The following CSMD1 variants were observed in gnomAD, a reference collection of about 807,000 sequenced individuals.
CSMD1 encodes the protein CUB and Sushi multiple domains 1.
CSMD1 carries 213 observed loss-of-function variants against 417.5 expected under a neutral mutation model. The observed-to-expected ratio is 0.51, with a 90% CI of 0.46 to 0.57. CSMD1 has a LOEUF of 0.57. Among genes scored for constraint, CSMD1 ranks in the 20% least tolerant of loss-of-function variants. The probability of loss-of-function intolerance (pLI) is 0.00; values close to 1 mark genes in which losing one functional copy is unlikely to be tolerated. For synonymous variants in CSMD1, 2,862 were observed against 1,736.8 expected (o/e 1.65, Z -16.11); for missense variants, 6,923 against 4,529.7 (o/e 1.53, Z -15.17).
intron 1 of CSMD1, among the ~76,000 whole-genome samples, chr8:4,743,570 G>C (rs191671458): frequency 7.9e-5 from 12 of 152,228 alleles, no homozygotes; most frequent in African/African-American, 2.4e-4. Context: ...ACAGAGAGTG[G>C]CTATCCTGAT....
intron 26 of CSMD1, among the ~76,000 whole-genome samples, chr8:3,274,577 G>T (rs1301030995): frequency 6.6e-6 from 1 of 152,042 alleles, no homozygotes; most frequent in Non-Finnish European, 1.5e-5. Flanking sequence ...CTCTTTGTAG[G>T]TCACTCAGGA....
At chr8:3,198,174 A>G (rs551143293) in intron 33 of CSMD1, among the ~76,000 whole-genome samples, 1 of 152,224 alleles carries the variant, frequency 6.6e-6, no homozygotes, top group Non-Finnish European at 1.5e-5. Flanking sequence ...TTTGCATATA[A>G]GACACCAGGA....
In CSMD1 at chr8:3,308,488, T is replaced by C; in HGVS notation, c.3647A>G (p.Lys1216Arg). 1 of 1,612,182 alleles carries C rather than the reference T, an allele frequency of 6.2e-7. No individual in the cohort carries two copies. The highest frequency in any genetic ancestry group is 8.5e-7 in the Non-Finnish European group (1 of 1,178,814). Reference sequence around the variant, plus strand: ...GTTAGGGATGCCCGGATCCTCACATTTTACCAGATCAAAACCTGCAAGAGA... The same window carrying C: ...GTTAGGGATGCCCGGATCCTCACATCTTACCAGATCAAAACCTGCAAGAGA... ...QLTYTSFDLV[K>R]CEDPGIPNYG... The change falls in exon 24 of 70, where the codon AAA (lysine) becomes AGA (arginine). Residue 1216 changes from lysine (K) to arginine (R), a missense_variant. Coordinates refer to ENST00000635120, the MANE Select transcript of CSMD1 (RefSeq NM_033225.6).
intron 5 of CSMD1, among the ~76,000 whole-genome samples, chr8:3,905,467 A>G (rs1274659198): frequency 6.6e-6 from 1 of 152,212 alleles, no homozygotes; most frequent in Non-Finnish European, 1.5e-5. Flanking sequence ...CACGGGTCCA[A>G]TGACGGTGAC....
At chr8:4,659,237 T>C (rs781226753) in intron 1 of CSMD1, among the ~76,000 whole-genome samples, 15 of 149,440 alleles carry the variant, frequency 1.0e-4, no homozygotes, top group African/African-American at 2.5e-4. Context: ...AGGAAATGCA[T>C]AGCTGCAAAT....
intron 2 of CSMD1, among the ~76,000 whole-genome samples, chr8:4,502,995 C>T (rs1377503245): frequency 2.0e-5 from 3 of 151,776 alleles, no homozygotes; most frequent in African/African-American, 7.3e-5. Context: ...TATTTTCTGG[C>T]ACAGGAAATA....
At chr8:4,379,255 T>G (rs1372829799) in intron 3 of CSMD1, among the ~76,000 whole-genome samples, 1 of 152,174 alleles carries the variant, frequency 6.6e-6, no homozygotes, top group Non-Finnish European at 1.5e-5. Context: ...CATGTGGGAC[T>G]TTTTAAAAAA....
chr8:3,674,404 C>A (rs1397773560), intron 7 of CSMD1, among the ~76,000 whole-genome samples: 1 of 152,060 alleles, frequency 6.6e-6, no homozygotes, highest in Non-Finnish European at 1.5e-5. Context: ...AAGCATTTCT[C>A]ATTCAAATCA....
At chr8:3,730,899 C>A (rs1477455497) in intron 6 of CSMD1, among the ~76,000 whole-genome samples, 2 of 152,136 alleles carry the variant, frequency 1.3e-5, no homozygotes, top group African/African-American at 4.8e-5. Flanking sequence ...AATACGTAGA[C>A]CAATTTGCTG....
chr8:4,394,959 G>T (rs187030355), intron 3 of CSMD1, among the ~76,000 whole-genome samples: 4 of 152,192 alleles, frequency 2.6e-5, no homozygotes, highest in South Asian at 2.1e-4. Context: ...TTAAGAAAGG[G>T]AAGAGTTAAT....
chr8:4,605,478 T>C (rs1208128263), intron 2 of CSMD1, among the ~76,000 whole-genome samples: 1 of 152,164 alleles, frequency 6.6e-6, no homozygotes, highest in African/African-American at 2.4e-5. Context: ...TCATCTTACC[T>C]TTATGCCCGA....
chr8:3,587,255 G>C (rs916673339), intron 8 of CSMD1, among the ~76,000 whole-genome samples: 2 of 152,204 alleles, frequency 1.3e-5, no homozygotes, highest in African/African-American at 4.8e-5. Context: ...AAAAGTGTGA[G>C]AGGCAGAGAT....
In CSMD1 at chr8:3,830,523, C is replaced by T. The variant is rs138627987; in HGVS notation, c.819-76481G>A. On this transcript the variant is annotated intron_variant, in intron 5 of 69. Coordinates refer to ENST00000635120, the MANE Select transcript of CSMD1 (RefSeq NM_033225.6). ...CATGGAGTTGTGAAGACTGTTATGT[C>T]CTTAGTATCTCAAAGACCTCCTGGC... Among the ~76,000 whole-genome samples the T allele has an allele frequency of 1.8e-4, 28 of 152,268 alleles. No individual in the cohort carries two copies. The East Asian group carries it at 5.2e-3, about 28-fold the overall frequency.
chr8:4,329,552 T>A (rs1188451180), intron 3 of CSMD1, among the ~76,000 whole-genome samples: 1 of 152,082 alleles, frequency 6.6e-6, no homozygotes, highest in Non-Finnish European at 1.5e-5. Flanking sequence ...CCTCCCAAAT[T>A]GCTTGGATTA....
chr8:4,079,074 C>G (rs1799987712), intron 3 of CSMD1, among the ~76,000 whole-genome samples: 1 of 151,724 alleles, frequency 6.6e-6, no homozygotes, highest in South Asian at 2.1e-4. Context: ...GGAACTTATA[C>G]AGCTCATTAC....
intron 54 of CSMD1, among the ~76,000 whole-genome samples, chr8:2,984,103 C>T (rs1805651170): frequency 6.6e-6 from 1 of 152,128 alleles, no homozygotes. Flanking sequence ...CTGTGAGTGA[C>T]ATTCTGAGAA....
intron 1 of CSMD1, among the ~76,000 whole-genome samples, chr8:4,937,067 G>A (rs1011679493): frequency 1.3e-4 from 20 of 152,014 alleles, no homozygotes; most frequent in Admixed American, 1.1e-3. Flanking sequence ...AAAATAATTA[G>A]CCAGGCATTG....
chr8:3,766,308 G>A (rs958379135), intron 5 of CSMD1, among the ~76,000 whole-genome samples: 4 of 152,148 alleles, frequency 2.6e-5, no homozygotes, highest in African/African-American at 4.8e-5. Flanking sequence ...GGGTGACGCA[G>A]ATCACACTGG....
chr8:4,693,463 C>A (rs1806907298), intron 1 of CSMD1, among the ~76,000 whole-genome samples: 1 of 152,302 alleles, frequency 6.6e-6, no homozygotes, highest in Middle Eastern at 3.4e-3. Flanking sequence ...GAATCTCATT[C>A]TTCTCTAACT....
Sources: gnomAD v4.1 joint callset for allele counts (sites outside exome capture counted in the v4.1 genomes callset) on GRCh38, gnomAD v4.1.1 for gene constraint, MANE v1.5 for transcripts, NCBI Gene and HGNC (gene_info 2026-07-23, HGNC 2026-07-21) for gene names.